Variants in OR14A16 observed in about 807,000 individuals in gnomAD.
OR14A16 encodes the protein olfactory receptor family 14 subfamily A member 16.
For missense variants in OR14A16, 341 were observed against 366.5 expected (o/e 0.93, Z 0.57); for synonymous variants, 135 against 137.6 (o/e 0.98, Z 0.13).
chr1:247,814,922 C>T lies in OR14A16; in HGVS notation c.808G>A (p.Val270Ile), dbSNP rs1281864593. 1.9e-6 allele frequency: 3 copies of T among 1,613,706 alleles called. No individual in the cohort carries two copies. In the East Asian group the frequency reaches 6.7e-5, roughly 36 times the overall value. The change falls in exon 3 of 3, where the codon GTA (valine) becomes ATA (isoleucine). Residue 270 changes from valine (V) to isoleucine (I), a missense_variant. By Grantham distance (29) the Val-to-Ile change is conservative (BLOSUM62 3). Transcript: ENST00000641093. Reference protein sequence around the residue: ...ASESPSILDAVISVFYTMLPP... With the variant: ...ASESPSILDAIISVFYTMLPP... Reference sequence around the variant, plus strand: ...AGCATAGTGTAGAACACAGAAATTACAGCATCCAAAATAGAAGGAGACTCT... The same window carrying T: ...AGCATAGTGTAGAACACAGAAATTATAGCATCCAAAATAGAAGGAGACTCT...
At chr1:247,818,545 C>T (rs958863996) in intron 2 of OR14A16, among the ~76,000 whole-genome samples, 5 of 152,130 alleles carry the variant, frequency 3.3e-5, no homozygotes, top group African/African-American at 1.2e-4. Flanking sequence ...GAAATCCTGT[C>T]ATTTGCAACA....
At chr1:247,817,432 C>T (rs1244780467) in intron 2 of OR14A16, among the ~76,000 whole-genome samples, 12 of 151,996 alleles carry the variant, frequency 7.9e-5, no homozygotes, top group Non-Finnish European at 4.4e-5. Flanking sequence ...TAATGATGTT[C>T]GATTTGATTA....
In OR14A16 at chr1:247,815,368, T is replaced by C. The variant is rs376641242; in HGVS notation, c.362A>G (p.Tyr121Cys). Residue 121 changes from tyrosine to cysteine, a missense_variant, in exon 3 of 3, where the codon TAT (tyrosine) becomes TGT (cysteine). By Grantham distance (194) the Tyr-to-Cys change is radical. Coordinates refer to ENST00000641093, the MANE Select transcript of OR14A16 (RefSeq NM_001001966.2). ...LLLTVMSFDR[Y>C]TAICHPLHYD... ...GTGCAGAGGGTGACATATAGCAGTA[T>C]AGCGGTCAAAGGACATCACCGTGAG... is the stretch of plus-strand genomic sequence containing the variant. 1.9e-5 allele frequency: 30 copies of C among 1,613,930 alleles called. No individual in the cohort carries two copies. The highest frequency in any genetic ancestry group is 2.5e-5 in the Non-Finnish European group (29 of 1,179,986).
chr1:247,820,652 C>T lies in OR14A16; in HGVS notation c.-130-1475G>A, dbSNP rs181462256. Among the ~76,000 whole-genome samples the T allele has an allele frequency of 3.2e-4, 49 of 151,648 alleles. 1 individual carries two copies. The highest frequency in any genetic ancestry group is 1.2e-3 in the African/African-American group (48 of 41,388). On this transcript the variant is annotated intron_variant, in intron 1 of 2. Coordinates refer to ENST00000641093, the MANE Select transcript of OR14A16 (RefSeq NM_001001966.2). ...CTTGAGGTCAGGAGTTCGAGTCCAG[C>T]CTGACTAATATGGTGAAACCCCATC... is the stretch of plus-strand genomic sequence containing the variant.
At chr1:247,816,629 G>A (rs1662627126) in intron 2 of OR14A16, among the ~76,000 whole-genome samples, 1 of 152,138 alleles carries the variant, frequency 6.6e-6, no homozygotes, top group Non-Finnish European at 1.5e-5. Flanking sequence ...TTGGGAGGCT[G>A]AGGCAGGGTG....
rs1394134634 is a variant in OR14A16 at position 247,819,070 on chromosome 1, C to T, written c.-23G>A. On this transcript the variant is annotated 5_prime_UTR_variant, in exon 2 of 3. Transcript: ENST00000641093. The stretch of plus-strand genomic sequence containing the variant: ...TTTTAAAAAATGACTTACTCTATAC[C>T]TCCAATCTGGCGCACGAAGATTCCA... 6.6e-6 allele frequency: 1 copy of T among 151,852 alleles called. No individual in the cohort carries two copies. Among genetic ancestry groups the T allele is most frequent in the East Asian group, 1.9e-4 (1 of 5,178 alleles). 9.4% of individuals were successfully genotyped at this position (151,852 alleles called of 1,614,324 possible).
chr1:247,821,572 C>T (rs1362935345), intron 1 of OR14A16, among the ~76,000 whole-genome samples: 1 of 111,654 alleles, frequency 9.0e-6, no homozygotes, highest in African/African-American at 2.8e-5. Context: ...AGTATAGCTA[C>T]CTCTGCTCTG....
chr1:247,815,553 G>C lies in OR14A16; in HGVS notation c.177C>G (p.Phe59Leu). 1 of 1,614,090 alleles carries C rather than the reference G, an allele frequency of 6.2e-7. No homozygotes were observed. Residue 59 changes from phenylalanine to leucine, a missense_variant, in exon 3 of 3, where the codon TTC becomes TTG. By Grantham distance (22) the Phe-to-Leu change is conservative. Coordinates refer to ENST00000641093, the MANE Select transcript of OR14A16 (RefSeq NM_001001966.2). ...LDHHLHTPVY[F>L]FLKNLSFLDL... ...CCAAGAAAGATAGATTCTTCAAGAA[G>C]AAATACACGGGGGTGTGGAGATGAT...
intron 1 of OR14A16, among the ~76,000 whole-genome samples, chr1:247,821,087 A>G (rs1662728416): frequency 6.6e-6 from 1 of 152,180 alleles, no homozygotes. Flanking sequence ...TTCCACTATT[A>G]TTGTTATCTA....
At chr1:247,816,372 C>T (rs1356875286) in intron 2 of OR14A16, among the ~76,000 whole-genome samples, 1 of 152,166 alleles carries the variant, frequency 6.6e-6, no homozygotes. Flanking sequence ...CCATAATTTG[C>T]AATCTTGTGC....
At chr1:247,819,371 T>C (rs1403256429) in intron 1 of OR14A16, among the ~76,000 whole-genome samples, 194 bp from the exon 2 acceptor site, 1 of 141,182 alleles carries the variant, frequency 7.1e-6, no homozygotes, top group Non-Finnish European at 1.5e-5. Context: ...AGGTTCAGAG[T>C]TTAGCACAGC....
At chr1:247,819,804 G>A (rs374783902) in intron 1 of OR14A16, among the ~76,000 whole-genome samples, 1 of 152,100 alleles carries the variant, frequency 6.6e-6, no homozygotes, top group Non-Finnish European at 1.5e-5. Flanking sequence ...AGTATTGAGA[G>A]TGTCCATCCT....
At chr1:247,822,607 A>G (rs1662762665) in intron 1 of OR14A16, among the ~76,000 whole-genome samples, 2 of 152,112 alleles carry the variant, frequency 1.3e-5, no homozygotes, top group Non-Finnish European at 1.5e-5. Context: ...CCTTTCTGGG[A>G]CCTCTCTGCC....
At chr1:247,817,777 C>A (rs1662654816) in intron 2 of OR14A16, among the ~76,000 whole-genome samples, 1 of 151,912 alleles carries the variant, frequency 6.6e-6, no homozygotes, top group Non-Finnish European at 1.5e-5. Context: ...TTTGTGATTT[C>A]ATTTAACATT....
chr1:247,815,206 A>T lies in OR14A16; in HGVS notation c.524T>A (p.Phe175Tyr). 1 of 1,610,584 alleles carries T rather than the reference A, an allele frequency of 6.2e-7. No homozygotes were observed. Among genetic ancestry groups the T allele is most frequent in the Non-Finnish European group, 8.5e-7 (1 of 1,178,990 alleles). The change falls in exon 3 of 3, where the codon TTC becomes TAC. Residue 175 changes from phenylalanine (F) to tyrosine (Y), a missense_variant. Phe to Tyr is a conservative substitution (Grantham distance 22). Transcript: ENST00000641093. ...TAATAACTGGGGAATGTCACAGAAGAACTGATGGACCATGTTGGACCCACA... is the reference window on the plus strand; with the variant it reads ...TAATAACTGGGGAATGTCACAGAAGTACTGATGGACCATGTTGGACCCACA... ...SYCGSNMVHQ[F>Y]FCDIPQLLAI... is the part of the protein sequence containing the mutation.
intron 2 of OR14A16, among the ~76,000 whole-genome samples, chr1:247,818,360 A>G (rs1421333072): frequency 6.6e-6 from 1 of 152,206 alleles, no homozygotes; most frequent in Non-Finnish European, 1.5e-5. Flanking sequence ...TAAAACTACC[A>G]TATGATCCAG....
In OR14A16 at chr1:247,815,737, G is replaced by GATTACTCCT; in HGVS notation, c.-9_-8insAGGAGTAAT. 2.1e-6 allele frequency: 3 copies of GATTACTCCT among 1,447,460 alleles called. No homozygotes were observed. The highest frequency in any genetic ancestry group is 2.9e-6 in the Non-Finnish European group (3 of 1,048,576). 89.7% of individuals were successfully genotyped at this position (1,447,460 alleles called of 1,614,324 possible). On this transcript the variant is annotated 5_prime_UTR_variant, in exon 3 of 3. Coordinates refer to ENST00000641093, the MANE Select transcript of OR14A16 (RefSeq NM_001001966.2). ...GATTGTGAGATTTGCCATTATTGCA[G>GATTACTCCT]GAGTAATCTGCAGGAAAAGGAGAAG...
At position 247,815,375 on chromosome 1, in the gene OR14A16, C is replaced by A; in HGVS notation, c.355G>T (p.Asp119Tyr). The change falls in exon 3 of 3, where the codon GAC becomes TAC. Residue 119 changes from aspartate to tyrosine, a missense_variant. Asp to Tyr is a radical substitution (Grantham distance 160, BLOSUM62 -3). Coordinates refer to ENST00000641093, the MANE Select transcript of OR14A16 (RefSeq NM_001001966.2). ...ELLLLTVMSF[D>Y]RYTAICHPLH... The stretch of plus-strand genomic sequence containing the variant: ...GGGTGACATATAGCAGTATAGCGGT[C>A]AAAGGACATCACCGTGAGGAGGAGC... 1 of 1,613,820 alleles carries A rather than the reference C, an allele frequency of 6.2e-7. No individual in the cohort carries two copies. Among genetic ancestry groups the A allele is most frequent in the South Asian group, 1.1e-5 (1 of 91,030 alleles).
intron 1 of OR14A16, among the ~76,000 whole-genome samples, chr1:247,821,405 T>G (rs1039818873): frequency 6.6e-6 from 1 of 152,246 alleles, no homozygotes; most frequent in African/African-American, 2.4e-5. Context: ...ATCTCTCTTT[T>G]CAGATAAAGT....
Sources: allele counts gnomAD v4.1 joint callset (sites outside exome capture counted in the v4.1 genomes callset), GRCh38; gene constraint gnomAD v4.1.1; transcripts MANE v1.5; gene names NCBI Gene and HGNC (gene_info 2026-07-23, HGNC 2026-07-21).